The following SV2C variants were observed in gnomAD, a reference collection of about 807,000 sequenced individuals.
The protein encoded by SV2C is solute carrier family 22 member B3.
In SV2C, 49 loss-of-function variants were observed where a neutral mutation model predicts 79.7. The observed-to-expected ratio is 0.61, with a 90% CI of 0.49 to 0.78. The LOEUF (loss-of-function observed/expected upper bound fraction) is 0.78, where lower values mean the gene tolerates loss of function less well. Ranked by LOEUF, SV2C falls within the 30% of genes least tolerant of loss-of-function variation. SV2C has a pLI of 0.00. For synonymous variants in SV2C, 334 were observed against 333.2 expected, an observed-to-expected ratio of 1.00 and a Z score of -0.03; for missense variants, 833 against 912.9, an observed-to-expected ratio of 0.91 and a Z score of 1.13.
At chr5:76,123,068 A>G (rs1005418929) in intron 1 of SV2C, among the ~76,000 whole-genome samples, 1 of 152,232 alleles carries the variant, frequency 6.6e-6, no homozygotes, top group Non-Finnish European at 1.5e-5. Context: ...CCACAGAAAT[A>G]CAAACTACCA....
At chr5:76,274,027 C>T (rs1746951862) in intron 4 of SV2C, among the ~76,000 whole-genome samples, 1 of 152,210 alleles carries the variant, frequency 6.6e-6, no homozygotes, top group Non-Finnish European at 1.5e-5. Context: ...GAATCTGGCA[C>T]TTTCGCCTTG....
the SV2C span, among the ~76,000 whole-genome samples, chr5:75,999,478 T>C: frequency 2.6e-5 from 4 of 151,256 alleles, no homozygotes; most frequent in Non-Finnish European, 5.9e-5. Context: ...CATGGGCAGG[T>C]TGGAGCCCCA....
chr5:75,873,447 CA>C, the SV2C span, among the ~76,000 whole-genome samples: 8 of 152,076 alleles, frequency 5.3e-5, no homozygotes, highest in African/African-American at 1.9e-4. Flanking sequence ...TATAGATTTA[CA>C]GGTTCTCATA....
downstream of SV2C, among the ~76,000 whole-genome samples, chr5:76,336,428 G>A (rs1475950151): frequency 1.3e-5 from 2 of 151,478 alleles, no homozygotes; most frequent in African/African-American, 4.9e-5. Flanking sequence ...CAGGCAGAGG[G>A]GCTCCCCACG....
At chr5:76,056,624 C>CT in the SV2C span, among the ~76,000 whole-genome samples, 18,655 of 66,146 alleles carry the variant, frequency 0.28, 1,654 homozygotes, top group African/African-American at 0.33. Flanking sequence ...CCTGGGCTTT[C>CT]TTTTTTTTTT....
intron 4 of SV2C, among the ~76,000 whole-genome samples, chr5:76,274,434 G>GTA (rs1008205424): frequency 1.3e-5 from 2 of 151,854 alleles, no homozygotes; most frequent in Non-Finnish European, 2.9e-5. Context: ...TATGTTTTAT[G>GTA]TATATATATA....
intron 2 of SV2C, among the ~76,000 whole-genome samples, chr5:76,185,872 A>C (rs1743900924): frequency 6.6e-6 from 1 of 152,176 alleles, no homozygotes; most frequent in African/African-American, 2.4e-5. Context: ...CCAGGCTTGA[A>C]TTTCTCCCCA....
intron 1 of SV2C, among the ~76,000 whole-genome samples, chr5:76,096,840 C>T (rs965190223): frequency 6.6e-6 from 1 of 152,118 alleles, no homozygotes; most frequent in Non-Finnish European, 1.5e-5. Flanking sequence ...TTTCTCTCTG[C>T]CTGACTGTCT....
the SV2C span, among the ~76,000 whole-genome samples, chr5:75,969,015 A>G: frequency 6.6e-6 from 1 of 152,228 alleles, no homozygotes; most frequent in African/African-American, 2.4e-5. Flanking sequence ...AGTGGGGGCC[A>G]ATATTCAACA....
chr5:75,993,799 C>A, the SV2C span, among the ~76,000 whole-genome samples: 2 of 151,970 alleles, frequency 1.3e-5, no homozygotes, highest in Admixed American at 6.6e-5. Context: ...CAGCTTTTCA[C>A]GTGATGTCAT....
At chr5:76,079,741 C>T (rs1001669089), upstream of SV2C, 2 of 270,410 alleles carry the variant, frequency 7.4e-6, no homozygotes, top group Non-Finnish European at 1.5e-5. Context: ...GGGTATTTTA[C>T]GCTGTCTGGA....
chr5:75,944,797 C>T, the SV2C span, among the ~76,000 whole-genome samples: 150 of 152,238 alleles, frequency 9.9e-4, no homozygotes, highest in African/African-American at 3.5e-3. Flanking sequence ...ATTTCTTTTA[C>T]AGTTTTTATG....
At chr5:76,030,288 T>TA in the SV2C span, among the ~76,000 whole-genome samples, 1 of 130,098 alleles carries the variant, frequency 7.7e-6, no homozygotes, top group African/African-American at 2.8e-5. Flanking sequence ...TTTTTTTTTT[T>TA]TTTTATTTAT....
the SV2C span, among the ~76,000 whole-genome samples, chr5:76,011,720 C>T: frequency 6.6e-6 from 1 of 152,042 alleles, no homozygotes; most frequent in East Asian, 1.9e-4. Flanking sequence ...TATAACCCGT[C>T]ATCTACGCTA....
chr5:76,067,062 A>T, the SV2C span, among the ~76,000 whole-genome samples: 1 of 152,206 alleles, frequency 6.6e-6, no homozygotes, highest in Non-Finnish European at 1.5e-5. Context: ...TTCTTAAAGA[A>T]AAAAGATGTG....
At chr5:76,009,398 T>A in the SV2C span, among the ~76,000 whole-genome samples, 3 of 152,122 alleles carry the variant, frequency 2.0e-5, no homozygotes, top group Non-Finnish European at 4.4e-5. Context: ...GACCCAGAAA[T>A]CCCATTACTG....
the SV2C span, among the ~76,000 whole-genome samples, chr5:75,989,237 G>T: frequency 2.8e-3 from 425 of 151,880 alleles, 1 homozygote; most frequent in African/African-American, 9.7e-3. Context: ...TTGCTGCAAA[G>T]ATTATCTCAT....
chr5:76,203,927 G>A (rs1024077437), intron 3 of SV2C, among the ~76,000 whole-genome samples: 1 of 152,202 alleles, frequency 6.6e-6, no homozygotes, highest in Non-Finnish European at 1.5e-5. Flanking sequence ...TGATGAGTTA[G>A]GTTACCAGTA....
chr5:76,051,960 T>G, the SV2C span, among the ~76,000 whole-genome samples: 6 of 152,310 alleles, frequency 3.9e-5, no homozygotes, highest in Non-Finnish European at 8.8e-5. Flanking sequence ...AGATCAATTT[T>G]ATTGTCTGCA....
Sources: gnomAD v4.1 joint callset for allele counts (sites outside exome capture counted in the v4.1 genomes callset) on GRCh38, gnomAD v4.1.1 for gene constraint, MANE v1.5 for transcripts, NCBI Gene and HGNC (gene_info 2026-07-23, HGNC 2026-07-21) for gene names.